Variants in TTC28 observed in about 807,000 individuals in gnomAD.
TTC28 encodes the protein tetratricopeptide repeat domain 28, also known as tetratricopeptide repeat protein 28.
A neutral mutation model predicts 198.0 loss-of-function variants in TTC28; 61 were observed. That is an observed-to-expected ratio of 0.31 (90% CI 0.25 to 0.38). TTC28 has a LOEUF of 0.38. Ranked by LOEUF, TTC28 falls within the 10% of genes least tolerant of loss-of-function variation. The pLI, the probability that TTC28 is intolerant of heterozygous loss-of-function variation, is 1.00. For missense variants in TTC28, 2,678 were observed against 3,164.0 expected, an observed-to-expected ratio of 0.85 and a Z score of 3.69; for synonymous variants, 1,171 against 1,297.8, an observed-to-expected ratio of 0.90 and a Z score of 2.10.
At chr22:28,562,952 G>T (rs1273384353) in intron 2 of TTC28, among the ~76,000 whole-genome samples, 1 of 152,050 alleles carries the variant, frequency 6.6e-6, no homozygotes, top group African/African-American at 2.4e-5. Context: ...GCAAAACCCT[G>T]TCTCTACAAA....
At chr22:28,296,603 TAACACAA>T (rs1486733398) in intron 4 of TTC28, among the ~76,000 whole-genome samples, 1 of 152,198 alleles carries the variant, frequency 6.6e-6, no homozygotes, top group African/African-American at 2.4e-5. Flanking sequence ...TTAAAGACCT[TAACACAA>T]ACTAGCTGCT....
chr22:28,237,113 CTT>C (rs1474071203), intron 5 of TTC28, among the ~76,000 whole-genome samples: 1 of 152,020 alleles, frequency 6.6e-6, no homozygotes, highest in Non-Finnish European at 1.5e-5. Context: ...CCTCTATTGA[CTT>C]TGTGTTCTTG....
chr22:28,241,658 T>C (rs1268481763), intron 5 of TTC28, among the ~76,000 whole-genome samples: 1 of 152,152 alleles, frequency 6.6e-6, no homozygotes, highest in East Asian at 1.9e-4. Context: ...AAAATAATTA[T>C]TGAATCTGGG....
In TTC28 at chr22:27,981,229, A is replaced by ATTTT. The variant is rs1937001603; in HGVS notation, c.*991_*992insAAAA. ...CTGGTTAAATCTAGTTAGCCATGGAAATTTTTTTTTTTTTTTTTTTTTTTT... is the reference window on the plus strand; with the variant it reads ...CTGGTTAAATCTAGTTAGCCATGGAATTTTATTTTTTTTTTTTTTTTTTTTTTTT... On this transcript the variant is annotated 3_prime_UTR_variant, in exon 23 of 23. Coordinates refer to ENST00000397906, the MANE Select transcript of TTC28 (RefSeq NM_001145418.2). 21 of 72,730 alleles carry ATTTT rather than the reference A, an allele frequency of 2.9e-4. No individual in the cohort carries two copies. The highest frequency in any genetic ancestry group is 5.9e-4 in the African/African-American group (12 of 20,466). The allele number at this position is 72,730 out of a possible 1,614,324, so 4.5% of individuals were successfully genotyped here.
chr22:28,656,372 G>A (rs1285861684), intron 1 of TTC28, among the ~76,000 whole-genome samples: 22 of 152,170 alleles, frequency 1.4e-4, no homozygotes. Flanking sequence ...GCACTCACAG[G>A]AACAGCAGAG....
chr22:28,159,000 T>C (rs1471577463), intron 6 of TTC28, among the ~76,000 whole-genome samples: 1 of 152,132 alleles, frequency 6.6e-6, no homozygotes, highest in African/African-American at 2.4e-5. Context: ...GAGAAAATAT[T>C]TGCGAACTAC....
intron 2 of TTC28, among the ~76,000 whole-genome samples, chr22:28,444,826 TC>T (rs2146238689): frequency 6.6e-6 from 1 of 152,300 alleles, no homozygotes; most frequent in East Asian, 1.9e-4. Flanking sequence ...TCACTGCCAG[TC>T]CCTGTTCCAA....
At chr22:28,071,523 C>A (rs12168822) in intron 12 of TTC28, among the ~76,000 whole-genome samples, 9,405 of 138,672 alleles carry the variant, frequency 0.068, 311 homozygotes, top group African/African-American at 0.078. Flanking sequence ...ATAGGTGGGA[C>A]TTGAACAATG....
chr22:28,423,362 C>G (rs2146178642), intron 2 of TTC28, among the ~76,000 whole-genome samples: 1 of 152,154 alleles, frequency 6.6e-6, no homozygotes, highest in East Asian at 1.9e-4. Context: ...TGCACTCCAG[C>G]CTGGGCGACA....
chr22:28,165,137 A>G lies in TTC28; in HGVS notation c.934-1538T>C, dbSNP rs1026874495. Reference sequence around the variant, plus strand: ...AAGAGAAGTTTAGAGAAAAAAGAATAAAAAGAAATGAACAAAGCCTCCAAG... The same window carrying G: ...AAGAGAAGTTTAGAGAAAAAAGAATGAAAAGAAATGAACAAAGCCTCCAAG... On this transcript the variant is annotated intron_variant, in intron 5 of 22. Transcript: ENST00000397906. Among the ~76,000 whole-genome samples, 5 of 152,220 alleles carry G rather than the reference A, an allele frequency of 3.3e-5. No homozygotes were observed. In the East Asian group the frequency reaches 9.6e-4, roughly 29 times the overall value.
At chr22:28,627,913 T>C (rs2051103443) in intron 2 of TTC28, among the ~76,000 whole-genome samples, 1 of 151,920 alleles carries the variant, frequency 6.6e-6, no homozygotes, top group African/African-American at 2.4e-5. Flanking sequence ...TGACTTTTAT[T>C]ATTATTATTT....
At chr22:28,317,165 T>C (rs1273871342) in intron 2 of TTC28, among the ~76,000 whole-genome samples, 1 of 152,188 alleles carries the variant, frequency 6.6e-6, no homozygotes, top group African/African-American at 2.4e-5. Context: ...CCATTTGTTA[T>C]AACGGTTGCC....
chr22:28,202,126 T>C (rs1926007197), intron 5 of TTC28, among the ~76,000 whole-genome samples: 1 of 152,128 alleles, frequency 6.6e-6, no homozygotes, highest in African/African-American at 2.4e-5. Flanking sequence ...GTGGCAAGGC[T>C]GAGATTCAAA....
intron 2 of TTC28, among the ~76,000 whole-genome samples, chr22:28,499,661 T>G (rs768510461): frequency 5.3e-5 from 8 of 152,180 alleles, no homozygotes; most frequent in Non-Finnish European, 1.0e-4. Context: ...TGCTTCTGTC[T>G]TGAAAGAAAT....
intron 5 of TTC28, among the ~76,000 whole-genome samples, chr22:28,214,422 A>C (rs1436121236): frequency 6.6e-6 from 1 of 152,236 alleles, no homozygotes; most frequent in Non-Finnish European, 1.5e-5. Flanking sequence ...AAAGAACTTA[A>C]ACAAATTTCC....
chr22:28,269,067 G>C (rs1446003906), intron 5 of TTC28, among the ~76,000 whole-genome samples: 1 of 152,044 alleles, frequency 6.6e-6, no homozygotes, highest in Non-Finnish European at 1.5e-5. Context: ...TGGCAGCACT[G>C]GGCCTTCTAA....
intron 2 of TTC28, among the ~76,000 whole-genome samples, chr22:28,440,238 C>T (rs1003586083): frequency 6.6e-6 from 1 of 152,002 alleles, no homozygotes; most frequent in African/African-American, 2.4e-5. Flanking sequence ...TGGTGGGAGA[C>T]CTATTGCACT....
At chr22:28,020,925 G>A (rs1054272052) in intron 13 of TTC28, among the ~76,000 whole-genome samples, 17 of 152,094 alleles carry the variant, frequency 1.1e-4, no homozygotes, top group Non-Finnish European at 1.9e-4. Context: ...CCTCCCTGTG[G>A]AGTCTGCCCG....
At chr22:28,165,727 C>T (rs1258682108) in intron 5 of TTC28, among the ~76,000 whole-genome samples, 1 of 152,270 alleles carries the variant, frequency 6.6e-6, no homozygotes, top group East Asian at 1.9e-4. Flanking sequence ...CAAAAACATG[C>T]CAAATTGCAA....
Sources: gnomAD v4.1 joint callset for allele counts (sites outside exome capture counted in the v4.1 genomes callset) on GRCh38, gnomAD v4.1.1 for gene constraint, MANE v1.5 for transcripts, NCBI Gene and HGNC (gene_info 2026-07-23, HGNC 2026-07-21) for gene names.